NFIA: variants seen among roughly 807,000 people sequenced by gnomAD.
NFIA encodes the protein nuclear factor I A.
In NFIA, 8 loss-of-function variants were observed where a neutral mutation model predicts 62.8. The observed-to-expected ratio is 0.13, with a 90% CI of 0.07 to 0.23. The LOEUF is 0.23. Among genes scored for constraint, NFIA ranks in the 10% least tolerant of loss-of-function variants. The pLI is 1.00. For missense variants in NFIA, 410 were observed against 642.1 expected (o/e 0.64, Z 3.91); for synonymous variants, 235 against 238.1 (o/e 0.99, Z 0.12).
intron 3 of NFIA, among the ~76,000 whole-genome samples, chr1:61,306,294 T>TTTTTTTTTTTTTTTTTA: frequency 9.1e-6 from 1 of 109,750 alleles, no homozygotes. Context: ...TTTTTTTTTT[T>TTTTTTTTTTTTTTTTTA]AAGACAGAGT....
intron 10 of NFIA, among the ~76,000 whole-genome samples, chr1:61,451,073 C>T (rs774840682): frequency 6.6e-6 from 1 of 152,158 alleles, no homozygotes; most frequent in Non-Finnish European, 1.5e-5. Context: ...TGATTGCTCT[C>T]TGTGAGGCGT....
chr1:61,204,160 T>G (rs995391611), intron 2 of NFIA, among the ~76,000 whole-genome samples: 1 of 152,238 alleles, frequency 6.6e-6, no homozygotes, highest in East Asian at 1.9e-4. Context: ...AAGTGACCCC[T>G]GCTTTCCTCT....
chr1:61,411,599 T>A (rs1008902344), intron 9 of NFIA, among the ~76,000 whole-genome samples: 4 of 151,954 alleles, frequency 2.6e-5, no homozygotes, highest in Non-Finnish European at 4.4e-5. Flanking sequence ...CAGCAGGGAA[T>A]CCCTGGCCTT....
intron 3 of NFIA, among the ~76,000 whole-genome samples, chr1:61,285,953 T>G (rs1658462256): frequency 6.6e-6 from 1 of 152,140 alleles, no homozygotes; most frequent in Non-Finnish European, 1.5e-5. Context: ...GTAGCACTTG[T>G]AAACTCAGAG....
intron 2 of NFIA, among the ~76,000 whole-genome samples, chr1:61,110,142 A>G (rs1168740661): frequency 1.3e-5 from 2 of 151,986 alleles, no homozygotes; most frequent in African/African-American, 4.8e-5. Context: ...TTCAATTGCC[A>G]TCCATTAGAC....
At chr1:61,294,629 T>C (rs1659086917) in intron 3 of NFIA, among the ~76,000 whole-genome samples, 1 of 152,254 alleles carries the variant, frequency 6.6e-6, no homozygotes, top group African/African-American at 2.4e-5. Context: ...ATTAAGTGGA[T>C]TGCGAACTCC....
intron 2 of NFIA, among the ~76,000 whole-genome samples, chr1:61,229,350 T>A (rs1460281349): frequency 6.6e-6 from 1 of 152,206 alleles, no homozygotes; most frequent in South Asian, 2.1e-4. Flanking sequence ...TTTGTATTTA[T>A]GCTTGAAATT....
At chr1:61,193,058 G>T (rs1651752374) in intron 2 of NFIA, among the ~76,000 whole-genome samples, 1 of 152,146 alleles carries the variant, frequency 6.6e-6, no homozygotes, top group South Asian at 2.1e-4. Flanking sequence ...TTTCAGATTA[G>T]CCTAGTATAG....
At chr1:61,338,392 G>A (rs1217962198) in intron 4 of NFIA, among the ~76,000 whole-genome samples, 7 of 152,220 alleles carry the variant, frequency 4.6e-5, no homozygotes, top group African/African-American at 1.4e-4. Context: ...CTGGCATGAG[G>A]TGGCACCCTA....
chr1:61,176,915 T>C (rs953538081), intron 2 of NFIA, among the ~76,000 whole-genome samples: 6 of 152,022 alleles, frequency 3.9e-5, no homozygotes, highest in Non-Finnish European at 5.9e-5. Flanking sequence ...CCATCCTGGC[T>C]AACACAGTGA....
chr1:61,448,259 G>C (rs955416518), intron 10 of NFIA, among the ~76,000 whole-genome samples: 1 of 152,148 alleles, frequency 6.6e-6, no homozygotes, highest in African/African-American at 2.4e-5. Context: ...TTCCTTTTGT[G>C]TTGTGGGTTT....
upstream of NFIA, among the ~76,000 whole-genome samples, chr1:61,078,407 G>C (rs934660757): frequency 6.6e-6 from 1 of 152,216 alleles, no homozygotes; most frequent in Admixed American, 6.5e-5. Flanking sequence ...GCTCAGGGAA[G>C]CTGGTAACTT....
rs1158309841 is a variant in NFIA, at chr1:61,392,007, GTTGCCTTTCTCCAAGAAGAA to G, written c.1075+8648_1075+8667del. Among the ~76,000 whole-genome samples, 27 of 152,244 alleles carry G rather than the reference GTTGCCTTTCTCCAAGAAGAA, an allele frequency of 1.8e-4. 1 individual carries two copies. Among genetic ancestry groups the G allele is most frequent in the Middle Eastern group, 6.8e-3 (2 of 294 alleles). On this transcript the variant is annotated intron_variant, in intron 7 of 10. Coordinates refer to ENST00000403491, the MANE Select transcript of NFIA (RefSeq NM_001134673.4). ...AGTATGTCACTTGAGCAAACATTAC[GTTGCCTTTCTCCAAGAAGAA>G]TTGCCAGAATTGATTTTCAAATGCA...
intron 2 of NFIA, among the ~76,000 whole-genome samples, chr1:61,219,962 AAAAT>A (rs78141910): frequency 0.08 from 12,105 of 151,430 alleles, 544 homozygotes; most frequent in African/African-American, 0.12. Flanking sequence ...ACTCCGTCTC[AAAAT>A]AAATAAATAA....
chr1:61,126,789 T>C (rs1199808568), intron 2 of NFIA, among the ~76,000 whole-genome samples: 1 of 144,500 alleles, frequency 6.9e-6, no homozygotes, highest in Non-Finnish European at 1.5e-5. Context: ...TTTTTTTTTT[T>C]TTTTTTTTTT....
chr1:61,317,156 G>T (rs1261400459), intron 3 of NFIA, among the ~76,000 whole-genome samples: 1 of 151,966 alleles, frequency 6.6e-6, no homozygotes, highest in Non-Finnish European at 1.5e-5. Flanking sequence ...TTCAGCAAAC[G>T]AAAGTCTTTT....
intron 3 of NFIA, among the ~76,000 whole-genome samples, chr1:61,316,094 A>G (rs1660351884): frequency 1.3e-5 from 2 of 152,170 alleles, no homozygotes; most frequent in African/African-American, 4.8e-5. Context: ...AGAAAGTCCA[A>G]ATTGTCGAGT....
chr1:61,437,942 G>C (rs543854529), intron 10 of NFIA, among the ~76,000 whole-genome samples: 2 of 152,176 alleles, frequency 1.3e-5, no homozygotes, highest in African/African-American at 4.8e-5. Flanking sequence ...TCCAAGGGTA[G>C]TAAAGCACTT....
Position 61,462,024 on chromosome 1 carries a change from G to GTTTTTTTTTTTTTTTTTTTTCTTTTTTTT in NFIA, c.*6722_*6723insTTCTTTTTTTTTTTTTTTTTTTTTTTTTT, listed in dbSNP as rs368139522. ...ATAGTCTGTAAGTTAGCCTTTTTGG[G>GTTTTTTTTTTTTTTTTTTTTCTTTTTTTT]TTTTTTTTTTTTTTTTTTGGCTTTT... On this transcript the variant is annotated 3_prime_UTR_variant, in exon 11 of 11. Coordinates refer to ENST00000403491, the MANE Select transcript of NFIA (RefSeq NM_001134673.4). 1 of 73,208 alleles carries GTTTTTTTTTTTTTTTTTTTTCTTTTTTTT rather than the reference G, an allele frequency of 1.4e-5. No individual in the cohort carries two copies. The highest frequency in any genetic ancestry group is 6.7e-5 in the African/African-American group (1 of 14,900). The allele number at this position is 73,208 out of a possible 1,614,324, so 4.5% of individuals were successfully genotyped here. A position where few individuals can be genotyped will look rare whatever the true frequency, so the allele number is the denominator to read the frequency against.
Sources: gnomAD v4.1 joint callset for allele counts (sites outside exome capture counted in the v4.1 genomes callset) on GRCh38, gnomAD v4.1.1 for gene constraint, MANE v1.5 for transcripts, NCBI Gene and HGNC (gene_info 2026-07-23, HGNC 2026-07-21) for gene names.